VAC14: variants seen among roughly 807,000 people sequenced by gnomAD.
VAC14 encodes the protein protein VAC14 homolog.
Under a neutral mutation model 85.3 loss-of-function variants are expected in VAC14, and 47 were observed. The ratio of observed to expected loss-of-function variants is 0.55; its 90% CI spans 0.44 to 0.70. VAC14 has a LOEUF of 0.70. VAC14 is among the 30% of genes least tolerant of loss of function. The pLI is 0.00. For missense variants in VAC14, 861 were observed against 1,004.3 expected, an observed-to-expected ratio of 0.86 and a Z score of 1.93; for synonymous variants, 447 against 430.5, an observed-to-expected ratio of 1.04 and a Z score of -0.47.
Position 70,742,706 on chromosome 16 carries a change from C to T in VAC14, c.1528+1717G>A, listed in dbSNP as rs548607858. ...CCCCTTGAACTTCTCAGGCACTGGG[C>T]CTGGTCTTAGGGCCAAAAAGGGCTG... On this transcript the variant is annotated intron_variant, in intron 13 of 18. Transcript: ENST00000261776. 3.3e-5 allele frequency among the ~76,000 whole-genome samples: 5 copies of T among 152,354 alleles called. No homozygotes were observed. The South Asian group carries it at 1.0e-3, about 32-fold the overall frequency.
At chr16:70,779,974 C>G (rs953492833) in intron 9 of VAC14, among the ~76,000 whole-genome samples, 2 of 151,170 alleles carry the variant, frequency 1.3e-5, no homozygotes, top group African/African-American at 2.4e-5. Flanking sequence ...TCCTGAGGAG[C>G]TGGGACTATA....
intron 12 of VAC14, among the ~76,000 whole-genome samples, chr16:70,750,050 TG>T (rs1438061946): frequency 1.3e-5 from 2 of 152,146 alleles, no homozygotes; most frequent in Non-Finnish European, 2.9e-5. Flanking sequence ...CTGCAACCCT[TG>T]GTGTATAGGT....
chr16:70,787,027 A>C (rs188801928), intron 1 of VAC14, among the ~76,000 whole-genome samples: 56 of 152,328 alleles, frequency 3.7e-4, no homozygotes, highest in African/African-American at 1.2e-3. Flanking sequence ...CTGACATGGC[A>C]TATCTGGGAC....
At chr16:70,746,628 C>T (rs998768014) in intron 12 of VAC14, among the ~76,000 whole-genome samples, 1 of 152,176 alleles carries the variant, frequency 6.6e-6, no homozygotes, top group Non-Finnish European at 1.5e-5. Context: ...TAGGGAGGGC[C>T]GAGGCCTCTG....
chr16:70,717,294 G>A (rs929019999), intron 14 of VAC14, among the ~76,000 whole-genome samples: 1 of 152,244 alleles, frequency 6.6e-6, no homozygotes, highest in Non-Finnish European at 1.5e-5. Context: ...CAAAGCGGGT[G>A]GCCTGTCCAC....
intron 15 of VAC14, 85 bp from the exon 16 acceptor site, chr16:70,697,342 C>T: frequency 2.6e-6 from 3 of 1,138,626 alleles, no homozygotes; most frequent in Non-Finnish European, 2.6e-6. Flanking sequence ...GGAAGGGCCA[C>T]AGGTCTAAGT....
chr16:70,697,318 C>T (rs755632873), intron 15 of VAC14, 61 bp from the exon 16 acceptor site: 16 of 1,437,734 alleles, frequency 1.1e-5, no homozygotes, highest in African/African-American at 2.8e-5. Flanking sequence ...ACCCGGTCCA[C>T]GTGGGGACCT....
At chr16:70,725,148 C>T (rs1387631735) in intron 14 of VAC14, among the ~76,000 whole-genome samples, 1 of 152,256 alleles carries the variant, frequency 6.6e-6, no homozygotes, top group Non-Finnish European at 1.5e-5. Context: ...GCACAATGGG[C>T]TTCTGGGGGC....
At chr16:70,722,073 C>T (rs966323421) in intron 14 of VAC14, among the ~76,000 whole-genome samples, 2 of 152,206 alleles carry the variant, frequency 1.3e-5, no homozygotes, top group East Asian at 3.9e-4. Flanking sequence ...GCCACAGGTG[C>T]CTTTAAAAGA....
At chr16:70,708,741 G>C (rs1196459174) in intron 14 of VAC14, among the ~76,000 whole-genome samples, 2 of 152,206 alleles carry the variant, frequency 1.3e-5, no homozygotes, top group Non-Finnish European at 2.9e-5. Context: ...TGCTGAGATA[G>C]TGTCTTGGTG....
chr16:70,697,914 G>A (rs1025255561), intron 15 of VAC14, among the ~76,000 whole-genome samples: 1 of 152,146 alleles, frequency 6.6e-6, no homozygotes, highest in African/African-American at 2.4e-5. Flanking sequence ...GCCGGCAGGG[G>A]ACCTGGGAAA....
chr16:70,695,895 C>A, intron 16 of VAC14: 1 of 339,494 alleles, frequency 2.9e-6, no homozygotes, highest in Non-Finnish European at 5.5e-6. Flanking sequence ...CACAGCGCTG[C>A]AGCCCGTTGG....
intron 14 of VAC14, among the ~76,000 whole-genome samples, chr16:70,710,693 T>C (rs1429784354): frequency 6.6e-6 from 1 of 152,244 alleles, no homozygotes; most frequent in Non-Finnish European, 1.5e-5. Context: ...TCGTCGGTGC[T>C]GGACCAAGAC....
Position 70,772,145 on chromosome 16 carries a change from C to G in VAC14, c.1124G>C (p.Ser375Thr). Residue 375 changes from serine (S) to threonine (T), a missense_variant, in exon 10 of 19, where the codon AGC becomes ACC. By Grantham distance (58) the Ser-to-Thr change is moderately conservative. This residue lies in a region of VAC14 where 629 missense variants were observed against 703.1 expected (regional missense o/e 0.89). Transcript: ENST00000261776. Reference sequence around the variant, plus strand: ...GAAGACACTGATGCCGCTACTGAAGCTGGAGTCACAGGAACCATCTGGACC... The same window carrying G: ...GAAGACACTGATGCCGCTACTGAAGGTGGAGTCACAGGAACCATCTGGACC... ...SGGPDGSCDS[S>T]FSSGISVFTA... is the part of the protein sequence containing the mutation. 1 of 1,614,142 alleles carries G rather than the reference C, an allele frequency of 6.2e-7. No homozygotes were observed. Among genetic ancestry groups the G allele is most frequent in the Non-Finnish European group, 8.5e-7 (1 of 1,180,034 alleles).
At chr16:70,782,211 C>T (rs1330819481) in intron 7 of VAC14, among the ~76,000 whole-genome samples, 1 of 152,256 alleles carries the variant, frequency 6.6e-6, no homozygotes, top group Non-Finnish European at 1.5e-5. Flanking sequence ...CTGTGCTAGA[C>T]TGTAAGGGCA....
At chr16:70,698,115 C>T (rs1191653379) in intron 15 of VAC14, among the ~76,000 whole-genome samples, 2 of 152,168 alleles carry the variant, frequency 1.3e-5, no homozygotes, top group African/African-American at 2.4e-5. Flanking sequence ...GAGCCTGGGA[C>T]GGATGGGCAA....
intron 1 of VAC14, among the ~76,000 whole-genome samples, chr16:70,788,887 T>G (rs1031633191): frequency 2.6e-5 from 4 of 152,232 alleles, no homozygotes; most frequent in African/African-American, 9.6e-5. Context: ...CCCACAAATC[T>G]GGAACCACAC....
chr16:70,719,901 T>C (rs2054247305), intron 14 of VAC14, among the ~76,000 whole-genome samples: 1 of 152,160 alleles, frequency 6.6e-6, no homozygotes, highest in African/African-American at 2.4e-5. Flanking sequence ...AAAAGGCACA[T>C]AAGAAAGCAT....
intron 1 of VAC14, among the ~76,000 whole-genome samples, chr16:70,793,266 A>G (rs2034413528): frequency 6.6e-6 from 1 of 152,190 alleles, no homozygotes; most frequent in Admixed American, 6.5e-5. Flanking sequence ...TGAACGCAGG[A>G]CACAGTGAGT....
Sources: gnomAD v4.1 joint callset for allele counts (sites outside exome capture counted in the v4.1 genomes callset) on GRCh38, gnomAD v4.1.1 for gene constraint, gnomAD v4.1.1 regional missense constraint, MANE v1.5 for transcripts, NCBI Gene and HGNC (gene_info 2026-07-23, HGNC 2026-07-21) for gene names.